The following NCOA2 variants were observed in gnomAD, a reference collection of about 807,000 sequenced individuals.
The protein encoded by NCOA2 is nuclear receptor coactivator 2.
Under a neutral mutation model 145.1 loss-of-function variants are expected in NCOA2, and 21 were observed. The observed-to-expected ratio is 0.14, with a 90% confidence interval of 0.10 to 0.21. The LOEUF (loss-of-function observed/expected upper bound fraction) is 0.21, where lower values mean the gene tolerates loss of function less well. Ranked by LOEUF, NCOA2 falls within the 10% of genes least tolerant of loss-of-function variation. The pLI, the probability that NCOA2 is intolerant of heterozygous loss-of-function variation, is 1.00. For missense variants in NCOA2, 1,472 were observed against 1,837.6 expected, an observed-to-expected ratio of 0.80 and a Z score of 3.64; for synonymous variants, 619 against 637.5, an observed-to-expected ratio of 0.97 and a Z score of 0.44.
chr8:70,331,168 C>G (rs903502989), intron 1 of NCOA2, among the ~76,000 whole-genome samples: 6 of 152,084 alleles, frequency 3.9e-5, no homozygotes, highest in Non-Finnish European at 1.5e-5. Context: ...ATATTCTTTA[C>G]TGGGCTTTCT....
At chr8:70,146,680 C>CTA (rs1811100898) in intron 12 of NCOA2, among the ~76,000 whole-genome samples, 1 of 151,982 alleles carries the variant, frequency 6.6e-6, no homozygotes, top group Non-Finnish European at 1.5e-5. Flanking sequence ...GGCTAATGAG[C>CTA]ATGGACTGTC....
chr8:70,440,253 G>A, the NCOA2 span, among the ~76,000 whole-genome samples: 4 of 151,882 alleles, frequency 2.6e-5, no homozygotes, highest in Admixed American at 6.6e-5. Flanking sequence ...CTCCAGCCTG[G>A]GCAACAGAGC....
intron 1 of NCOA2, among the ~76,000 whole-genome samples, chr8:70,377,058 C>T (rs943249132): frequency 4.7e-4 from 53 of 112,578 alleles, no homozygotes; most frequent in Admixed American, 1.1e-3. Context: ...TGTGCTTATA[C>T]GTTGTGTTTT....
In NCOA2 at chr8:70,379,737, T is replaced by A. The variant is rs192958125; in HGVS notation, c.-77+23963A>T. On this transcript the variant is annotated intron_variant, in intron 1 of 22. Transcript: ENST00000452400. ...AGAAGAAGCAGGATTGAGATTTTTT[T>A]AAAAATTTAAAAAATATATATTAGT... Among the ~76,000 whole-genome samples the A allele has an allele frequency of 2.1e-3, 326 of 152,224 alleles. 1 individual carries two copies. Among genetic ancestry groups the A allele is most frequent in the African/African-American group, 7.2e-3 (298 of 41,546 alleles).
At chr8:70,193,189 C>T (rs1055036823) in intron 4 of NCOA2, among the ~76,000 whole-genome samples, 18 of 151,492 alleles carry the variant, frequency 1.2e-4, no homozygotes, top group East Asian at 3.9e-4. Context: ...TCTATCATTA[C>T]ACCATCAGAG....
chr8:70,292,467 C>T (rs1826769661), intron 2 of NCOA2, among the ~76,000 whole-genome samples: 1 of 150,478 alleles, frequency 6.6e-6, no homozygotes, highest in Non-Finnish European at 1.5e-5. Context: ...AGGAGAATCG[C>T]TTAAATCCAG....
At chr8:70,139,316 G>A (rs1404060501) in intron 14 of NCOA2, among the ~76,000 whole-genome samples, 2 of 152,142 alleles carry the variant, frequency 1.3e-5, no homozygotes, top group East Asian at 3.8e-4. Flanking sequence ...TCCAGCTCAA[G>A]AGCCAGATGC....
intron 2 of NCOA2, among the ~76,000 whole-genome samples, chr8:70,240,383 T>C (rs979641498): frequency 4.6e-5 from 7 of 152,206 alleles, no homozygotes; most frequent in African/African-American, 1.7e-4. Context: ...GTCATTATTA[T>C]CTGAAACACT....
rs76244386 is a variant in NCOA2 at position 70,286,653 on chromosome 8, G to A, written c.-20+10091C>T. ...AAGACAAGAGAAAAAGAAAACGGCAGTTGTGAATAAAGTAAATTCTAGGTA... is the reference window on the plus strand; with the variant it reads ...AAGACAAGAGAAAAAGAAAACGGCAATTGTGAATAAAGTAAATTCTAGGTA... On this transcript the variant is annotated intron_variant, in intron 2 of 22. Transcript: ENST00000452400. Among the ~76,000 whole-genome samples the A allele has an allele frequency of 1.9e-4, 29 of 152,248 alleles. No individual in the cohort carries two copies. The East Asian group carries it at 2.5e-3, about 13-fold the overall frequency.
Position 70,141,189 on chromosome 8 carries a change from T to C in NCOA2, c.3023A>G (p.Asn1008Ser). ...QRQTLQSQVMNIGPSELEMNM... is the reference protein window; with the variant it reads ...QRQTLQSQVMSIGPSELEMNM... The stretch of plus-strand genomic sequence containing the variant: ...CAGCACTAGAGCCACCTTACCTATA[T>C]TCATGACCTGAGACTGAAGCGTCTG... The change falls in exon 14 of 23, where the codon AAT becomes AGT. Residue 1008 changes from asparagine (N) to serine (S), a missense_variant. Coordinates refer to ENST00000452400, the MANE Select transcript of NCOA2 (RefSeq NM_006540.4). The C allele has an allele frequency of 1.2e-6, 2 of 1,613,442 alleles. No homozygotes were observed. Among genetic ancestry groups the C allele is most frequent in the Non-Finnish European group, 1.7e-6 (2 of 1,179,708 alleles).
At chr8:70,294,096 T>C (rs1040226897) in intron 2 of NCOA2, among the ~76,000 whole-genome samples, 2 of 152,168 alleles carry the variant, frequency 1.3e-5, no homozygotes, top group African/African-American at 4.8e-5. Context: ...TTACATAGTA[T>C]GTCCTACTCA....
chr8:70,160,735 A>G (rs1051903774), intron 9 of NCOA2, among the ~76,000 whole-genome samples: 4 of 150,338 alleles, frequency 2.7e-5, no homozygotes, highest in Admixed American at 2.0e-4. Flanking sequence ...ATTTCTTCGT[A>G]AAATTTCACT....
chr8:70,248,742 G>A (rs1378661190), intron 2 of NCOA2, among the ~76,000 whole-genome samples: 1 of 141,120 alleles, frequency 7.1e-6, no homozygotes, highest in South Asian at 2.3e-4. Context: ...ATTGTTTCGG[G>A]AATAATGACA....
intron 2 of NCOA2, among the ~76,000 whole-genome samples, chr8:70,217,324 C>G (rs1443993070): frequency 6.6e-6 from 1 of 152,188 alleles, no homozygotes; most frequent in Admixed American, 6.5e-5. Context: ...ATCAATGCCC[C>G]CTAGTGGGGG....
At chr8:70,124,652 A>G (rs753803552) in intron 20 of NCOA2, 36 bp downstream of exon 20, 45 of 1,557,000 alleles carry the variant, frequency 2.9e-5, no homozygotes, top group African/African-American at 4.1e-5. Flanking sequence ...CAGCTGTCAC[A>G]GTGGCGGTAT....
intron 2 of NCOA2, among the ~76,000 whole-genome samples, chr8:70,267,384 T>C (rs1031875992): frequency 5.5e-5 from 8 of 145,970 alleles, no homozygotes; most frequent in Non-Finnish European, 1.5e-5. Flanking sequence ...AAGATCTGTT[T>C]CCTTTCTGTT....
At chr8:70,437,737 T>C in the NCOA2 span, among the ~76,000 whole-genome samples, 1 of 152,062 alleles carries the variant, frequency 6.6e-6, no homozygotes, top group Non-Finnish European at 1.5e-5. Context: ...TAAGCATCAG[T>C]GAAGAACAAA....
intron 2 of NCOA2, among the ~76,000 whole-genome samples, chr8:70,265,872 G>A (rs1465766347): frequency 3.3e-5 from 5 of 152,252 alleles, no homozygotes; most frequent in Middle Eastern, 3.4e-3. Flanking sequence ...TCGGCTGGGC[G>A]TGGTGGCTCA....
chr8:70,173,150 T>C (rs1814439701), intron 5 of NCOA2, among the ~76,000 whole-genome samples: 1 of 152,238 alleles, frequency 6.6e-6, no homozygotes, highest in Non-Finnish European at 1.5e-5. Flanking sequence ...CTATTCTGAA[T>C]GACAAAAATG....
Sources: gnomAD v4.1 joint callset for allele counts (sites outside exome capture counted in the v4.1 genomes callset) on GRCh38, gnomAD v4.1.1 for gene constraint, MANE v1.5 for transcripts, NCBI Gene and HGNC (gene_info 2026-07-23, HGNC 2026-07-21) for gene names.